The following LRRC1 variants were observed in gnomAD, a reference collection of about 807,000 sequenced individuals.
The protein encoded by LRRC1 is leucine-rich repeat-containing protein 1.
Under a neutral mutation model 69.9 loss-of-function variants are expected in LRRC1, and 28 were observed. The observed-to-expected ratio is 0.40, with a 90% CI of 0.30 to 0.55. The LOEUF (loss-of-function observed/expected upper bound fraction) is 0.55. LRRC1 is among the 20% of genes least tolerant of loss of function. The pLI, the probability that LRRC1 is intolerant of heterozygous loss-of-function variation, is 0.47. For missense variants in LRRC1, 498 were observed against 609.0 expected, an observed-to-expected ratio of 0.82 and a Z score of 1.92; for synonymous variants, 236 against 240.2, an observed-to-expected ratio of 0.98 and a Z score of 0.16.
At chr6:53,832,186 C>A (rs1765446065) in intron 1 of LRRC1, among the ~76,000 whole-genome samples, 1 of 152,074 alleles carries the variant, frequency 6.6e-6, no homozygotes, top group Non-Finnish European at 1.5e-5. Flanking sequence ...AGAAGCATAA[C>A]AGATAAGGTT....
intron 1 of LRRC1, among the ~76,000 whole-genome samples, chr6:53,808,381 C>T (rs1457849636): frequency 6.6e-6 from 1 of 152,008 alleles, no homozygotes; most frequent in Non-Finnish European, 1.5e-5. Flanking sequence ...CTGCAAAGTA[C>T]TTGAGTTGAG....
intron 2 of LRRC1, among the ~76,000 whole-genome samples, chr6:53,859,243 A>T (rs774547019): frequency 2.0e-5 from 3 of 152,176 alleles, no homozygotes; most frequent in Non-Finnish European, 4.4e-5. Flanking sequence ...TTTTACTTAG[A>T]TTTTGGATTA....
At chr6:53,815,867 C>T (rs980254801) in intron 1 of LRRC1, among the ~76,000 whole-genome samples, 2 of 152,176 alleles carry the variant, frequency 1.3e-5, no homozygotes, top group South Asian at 4.1e-4. Context: ...GTTTTTAATG[C>T]TAACACTGAA....
At position 53,842,228 on chromosome 6, in the gene LRRC1, G is replaced by C; in HGVS notation, c.277+1G>C. On this transcript the variant is annotated splice_donor_variant, in intron 2 of 13. Coordinates refer to ENST00000370888, the MANE Select transcript of LRRC1 (RefSeq NM_018214.5). LOFTEE classifies it high-confidence loss of function. ...GTGGAACTAGATGTGTCTCGAAATG[G>C]TAAGAAAGATTCCACTTGGGTTGCC... is the stretch of plus-strand genomic sequence containing the variant. 6.2e-7 allele frequency: 1 copy of C among 1,606,398 alleles called. No homozygotes were observed.
intron 10 of LRRC1, among the ~76,000 whole-genome samples, chr6:53,907,479 A>C (rs758928767): frequency 2.3e-4 from 35 of 152,224 alleles, no homozygotes; most frequent in Non-Finnish European, 4.4e-4. Context: ...TGTGGGTCAC[A>C]ATATGGATTC....
At chr6:53,856,083 G>A (rs1401223570) in intron 2 of LRRC1, among the ~76,000 whole-genome samples, 1 of 152,082 alleles carries the variant, frequency 6.6e-6, no homozygotes, top group Non-Finnish European at 1.5e-5. Flanking sequence ...GATCCAAATT[G>A]TAAGAGATAA....
intron 1 of LRRC1, among the ~76,000 whole-genome samples, chr6:53,821,127 T>TTA (rs1445285171): frequency 1.3e-5 from 2 of 152,238 alleles, no homozygotes; most frequent in Non-Finnish European, 2.9e-5. Context: ...CCTATTGTAA[T>TTA]ATGCAGGGTT....
At chr6:53,906,732 C>T (rs747261823) in intron 10 of LRRC1, among the ~76,000 whole-genome samples, 1 of 152,116 alleles carries the variant, frequency 6.6e-6, no homozygotes, top group Non-Finnish European at 1.5e-5. Context: ...AACTTCAAAG[C>T]GTTTTAGTCA....
intron 1 of LRRC1, among the ~76,000 whole-genome samples, chr6:53,819,731 A>G (rs1198554085): frequency 2.0e-5 from 3 of 152,224 alleles, no homozygotes; most frequent in South Asian, 4.1e-4. Flanking sequence ...TTTCTAGTTC[A>G]TTTATTTTGT....
chr6:53,903,577 G>T (rs76773478), intron 9 of LRRC1, among the ~76,000 whole-genome samples: 72 of 93,682 alleles, frequency 7.7e-4, no homozygotes, highest in African/African-American at 2.3e-3. Context: ...TTTCCTTTTC[G>T]CTTTTCCTTT....
chr6:53,834,854 C>T (rs917127437), intron 1 of LRRC1, among the ~76,000 whole-genome samples: 2 of 152,190 alleles, frequency 1.3e-5, no homozygotes, highest in East Asian at 1.9e-4. Flanking sequence ...CCCAGCTACT[C>T]GGGACGCTGA....
intron 4 of LRRC1, among the ~76,000 whole-genome samples, chr6:53,883,378 G>A (rs1439444042): frequency 6.6e-5 from 10 of 152,176 alleles, no homozygotes; most frequent in Non-Finnish European, 1.5e-4. Context: ...AAAAGTATGT[G>A]CCCCTAAAGA....
chr6:53,812,712 A>G (rs7450684), intron 1 of LRRC1, among the ~76,000 whole-genome samples: 47,556 of 139,048 alleles, frequency 0.34, 8,602 homozygotes, highest in African/African-American at 0.38. Context: ...AAAAAAAAAA[A>G]AATTTGAAGA....
At chr6:53,876,069 G>A (rs1004533735) in intron 2 of LRRC1, among the ~76,000 whole-genome samples, 10 of 152,104 alleles carry the variant, frequency 6.6e-5, no homozygotes, top group African/African-American at 2.4e-4. Context: ...TCCGAGACTG[G>A]GCAATTTAAG....
chr6:53,795,752 G>A (rs1265014266), intron 1 of LRRC1, among the ~76,000 whole-genome samples: 2 of 152,130 alleles, frequency 1.3e-5, no homozygotes, highest in Admixed American at 6.5e-5. Flanking sequence ...GGGTGATTCG[G>A]GCTGTTTCCA....
intron 2 of LRRC1, among the ~76,000 whole-genome samples, chr6:53,869,667 C>T (rs1248762549): frequency 6.6e-6 from 1 of 152,172 alleles, no homozygotes; most frequent in African/African-American, 2.4e-5. Context: ...TCTGGAGAAA[C>T]TGCAAGTGAC....
At chr6:53,896,218 A>T (rs945812309) in intron 4 of LRRC1, among the ~76,000 whole-genome samples, 1 of 152,220 alleles carries the variant, frequency 6.6e-6, no homozygotes, top group Non-Finnish European at 1.5e-5. Context: ...TTATTTCCAC[A>T]TATCACATGT....
At chr6:53,810,896 A>G (rs1764774448) in intron 1 of LRRC1, among the ~76,000 whole-genome samples, 1 of 152,036 alleles carries the variant, frequency 6.6e-6, no homozygotes, top group Admixed American at 6.6e-5. Flanking sequence ...CAGGTCTCCA[A>G]TCTGTCAACG....
At chr6:53,894,759 G>T (rs895901362) in intron 4 of LRRC1, among the ~76,000 whole-genome samples, 3 of 152,106 alleles carry the variant, frequency 2.0e-5, no homozygotes, top group Non-Finnish European at 4.4e-5. Context: ...TTTGGAAGGA[G>T]ATACTGGGTG....
Sources: allele counts gnomAD v4.1 joint callset (sites outside exome capture counted in the v4.1 genomes callset), GRCh38; gene constraint gnomAD v4.1.1; transcripts MANE v1.5; gene names NCBI Gene and HGNC (gene_info 2026-07-23, HGNC 2026-07-21).